BBOF1: variants seen among roughly 807,000 people sequenced by gnomAD.
BBOF1 encodes basal body orientation factor 1.
BBOF1 carries 62 observed loss-of-function variants against 68.0 expected under a neutral mutation model. The ratio of observed to expected loss-of-function variants is 0.91; its 90% CI spans 0.74 to 1.13. BBOF1 has a LOEUF of 1.13. Ranked by LOEUF, BBOF1 falls within the 50% of genes most tolerant of loss-of-function variation. The probability of loss-of-function intolerance (pLI) is 0.00; values close to 1 mark genes in which losing one functional copy is unlikely to be tolerated. For synonymous variants in BBOF1, 208 were observed against 198.8 expected (o/e 1.05, Z -0.39); for missense variants, 534 against 600.1 (o/e 0.89, Z 1.15).
chr14:74,043,145 G>A (rs919771741), intron 5 of BBOF1, among the ~76,000 whole-genome samples: 3 of 151,962 alleles, frequency 2.0e-5, no homozygotes, highest in Admixed American at 6.6e-5. Flanking sequence ...TGCCCCAGCC[G>A]GCCATATAAA....
intron 8 of BBOF1, 185 bp from the exon 9 acceptor site, chr14:74,055,399 T>C (rs1226122784): frequency 2.0e-6 from 1 of 497,606 alleles, no homozygotes; most frequent in East Asian, 3.7e-5. Flanking sequence ...TCCACCCGCC[T>C]CGGCCTCCCA....
In BBOF1 at chr14:74,022,970, C is replaced by A. The variant is rs745786148; in HGVS notation, c.111C>A (p.Ser37=). 6.2e-7 allele frequency: 1 copy of A among 1,613,428 alleles called. No individual in the cohort carries two copies. Among genetic ancestry groups the A allele is most frequent in the Non-Finnish European group, 8.5e-7 (1 of 1,179,674 alleles). ...SVVDRAKANA[S]LWEARLEVTE... is the part of the protein sequence containing the mutation. ...TGGACAGAGCCAAGGCCAATGCCTC[C>A]CTTTGGGAGGCCAGGTTGGAAGTCA... The change falls in exon 2 of 12, where the codon TCC becomes TCA. Residue 37 remains serine (S), a synonymous_variant. Coordinates refer to ENST00000394009, the MANE Select transcript of BBOF1 (RefSeq NM_025057.3).
At position 74,065,764 on chromosome 14, in the gene BBOF1, C is replaced by T; in HGVS notation, c.*1065C>T. 4.8e-6 allele frequency: 1 copy of T among 209,218 alleles called. No individual in the cohort carries two copies. Among genetic ancestry groups the T allele is most frequent in the African/African-American group, 2.4e-5 (1 of 42,290 alleles). The allele number at this position is 209,218 out of a possible 1,614,324, so 13.0% of individuals were successfully genotyped here. A position where few individuals can be genotyped will look rare whatever the true frequency, so the allele number is the denominator to read the frequency against. On this transcript the variant is annotated 3_prime_UTR_variant, in exon 12 of 12. Coordinates refer to ENST00000394009, the MANE Select transcript of BBOF1 (RefSeq NM_025057.3). Reference sequence around the variant, plus strand: ...ATAATTTTTCTCTTTACAGAAACCCCATGCTGTTTTCTGTAACATAAATAA... The same window carrying T: ...ATAATTTTTCTCTTTACAGAAACCCTATGCTGTTTTCTGTAACATAAATAA...
intron 7 of BBOF1, 74 bp downstream of exon 7, chr14:74,048,148 G>T (rs1415303138): frequency 1.4e-6 from 2 of 1,416,764 alleles, no homozygotes; most frequent in Admixed American, 2.2e-5. Flanking sequence ...CAAAAATTGG[G>T]TATAATAATG....
chr14:74,032,799 C>T (rs989097694), intron 3 of BBOF1, among the ~76,000 whole-genome samples: 1 of 151,988 alleles, frequency 6.6e-6, no homozygotes, highest in Admixed American at 6.6e-5. Context: ...GCCCAATTTA[C>T]ATTTCTCTTA....
rs144719917 is a variant in BBOF1 at position 74,029,249 on chromosome 14, G to A, written c.351G>A (p.Leu117=). 2.0e-4 allele frequency: 311 copies of A among 1,547,784 alleles called. No homozygotes were observed. The highest frequency in any genetic ancestry group is 2.5e-4 in the Non-Finnish European group (288 of 1,139,840). The change falls in exon 3 of 12, where the codon TTG becomes TTA. Residue 117 remains leucine, a splice_region_variant and synonymous_variant. Coordinates refer to ENST00000394009, the MANE Select transcript of BBOF1 (RefSeq NM_025057.3). ...KEKAQEEKDK[L]EQKYTRQINE... ...AAGCCCAAGAGGAGAAGGATAAATT[G>A]GTGAGTTATCTATGTGTACTAATAC...
chr14:74,047,297 C>T (rs1479133885), intron 6 of BBOF1, among the ~76,000 whole-genome samples: 1 of 152,096 alleles, frequency 6.6e-6, no homozygotes, highest in Non-Finnish European at 1.5e-5. Context: ...CCTTCTTGCA[C>T]CTCTGCCGTG....
rs1047039253 is a variant in BBOF1 at position 74,059,108 on chromosome 14, C to T, written c.1578+1850C>T. The T allele has an allele frequency of 7.4e-5, 11 of 149,430 alleles. No homozygotes were observed. Among genetic ancestry groups the T allele is most frequent in the Middle Eastern group, 3.5e-3 (1 of 286 alleles). The allele number at this position is 149,430 out of a possible 1,614,324, so 9.3% of individuals were successfully genotyped here. A position where few individuals can be genotyped will look rare whatever the true frequency, so the allele number is the denominator to read the frequency against. ...TCAAAAAAAAAAAAAAAAAAAAAAG[C>T]GTAAAGGCAGTTGAACTAATGGCAG... On this transcript the variant is annotated intron_variant, in intron 11 of 11. Coordinates refer to ENST00000394009, the MANE Select transcript of BBOF1 (RefSeq NM_025057.3).
Position 74,038,940 on chromosome 14 carries a change from A to G in BBOF1, c.496-1625A>G, listed in dbSNP as rs1249975541. ...AATGAAAAAGAAAAAAATGTTTTCC[A>G]TATACCCGATTAACCAAAGAAGCAT... is the stretch of plus-strand genomic sequence containing the variant. On this transcript the variant is annotated intron_variant, in intron 4 of 11. Transcript: ENST00000394009. Among the ~76,000 whole-genome samples, 4 of 152,298 alleles carry G rather than the reference A, an allele frequency of 2.6e-5. No individual in the cohort carries two copies. In the East Asian group the frequency reaches 7.7e-4, roughly 29 times the overall value.
chr14:74,078,817 C>G (rs1386037541), intron 10 of BBOF1, among the ~76,000 whole-genome samples: 4 of 151,840 alleles, frequency 2.6e-5, no homozygotes, highest in Non-Finnish European at 5.9e-5. Flanking sequence ...GTGTGAGCCA[C>G]TGCACCTGGC....
At chr14:74,038,741 T>C (rs944709790) in intron 4 of BBOF1, among the ~76,000 whole-genome samples, 2 of 152,142 alleles carry the variant, frequency 1.3e-5, no homozygotes, top group Non-Finnish European at 2.9e-5. Context: ...CAGTGGCTCA[T>C]GCCTGTGATA....
chr14:74,071,277 T>C (rs779463560), intron 9 of BBOF1: 2 of 1,614,092 alleles, frequency 1.2e-6, no homozygotes, highest in Middle Eastern at 1.6e-4. Flanking sequence ...GCATAGTTGC[T>C]CCAGGGACTC....
intron 8 of BBOF1, 144 bp from the exon 9 acceptor site, chr14:74,055,440 C>T (rs537100232): frequency 1.5e-4 from 94 of 614,614 alleles, no homozygotes; most frequent in Admixed American, 6.3e-4. Flanking sequence ...TGAGCCACCG[C>T]GCCTGGCCTG....
rs1195098628 is a variant in BBOF1, at chr14:74,064,770, C to T, written c.*71C>T. On this transcript the variant is annotated 3_prime_UTR_variant, in exon 12 of 12. Coordinates refer to ENST00000394009, the MANE Select transcript of BBOF1 (RefSeq NM_025057.3). ...TTGCAGAATCCTTGCTCCTGAATAT[C>T]TTTAAGAAAATTTCTTAAAGGAAAA... The T allele has an allele frequency of 6.2e-7, 1 of 1,611,772 alleles. No homozygotes were observed. Among genetic ancestry groups the T allele is most frequent in the African/African-American group, 1.3e-5 (1 of 74,864 alleles).
At position 74,053,121 on chromosome 14, in the gene BBOF1, A is replaced by T. The variant is rs140550428; in HGVS notation, c.1287-2463A>T. ...CCTAGACTTTTTAATTTAATTAATT[A>T]ATTTATTTTTTTGAGATGGAATCTC... On this transcript the variant is annotated intron_variant, in intron 8 of 11. Coordinates refer to ENST00000394009, the MANE Select transcript of BBOF1 (RefSeq NM_025057.3). Among the ~76,000 whole-genome samples the T allele has an allele frequency of 2.9e-3, 447 of 152,014 alleles. 4 individuals are homozygous for T. The highest frequency in any genetic ancestry group is 0.01 in the African/African-American group (427 of 41,500).
chr14:74,036,929 A>AGATCTTG (rs2059715240), intron 4 of BBOF1, among the ~76,000 whole-genome samples: 1 of 148,292 alleles, frequency 6.7e-6, no homozygotes, highest in Non-Finnish European at 1.5e-5. Context: ...TATTCCTGGT[A>AGATCTTG]GATCTTGGCC....
At chr14:74,021,861 C>G (rs568343870) in intron 1 of BBOF1, among the ~76,000 whole-genome samples, 30 of 151,686 alleles carry the variant, frequency 2.0e-4, no homozygotes, top group Non-Finnish European at 3.5e-4. Flanking sequence ...GAGCCGAGAT[C>G]ACGCCACTGC....
rs2060024278 is a variant in BBOF1 at position 74,049,719 on chromosome 14, G to A, written c.810G>A (p.Leu270=). ...LLHQKEINDL[L]VKEKIMQLVQ... is the part of the protein sequence containing the mutation. ...GTTTTTAGGAGATCAATGATCTGTT[G>A]GTTAAGGAAAAGATTATGCAACTTG... The change falls in exon 8 of 12, where the codon TTG becomes TTA. Residue 270 remains leucine (L), a synonymous_variant. Coordinates refer to ENST00000394009, the MANE Select transcript of BBOF1 (RefSeq NM_025057.3). 6 of 1,604,820 alleles carry A rather than the reference G, an allele frequency of 3.7e-6. No homozygotes were observed. Among genetic ancestry groups the A allele is most frequent in the Non-Finnish European group, 4.3e-6 (5 of 1,176,448 alleles).
chr14:74,081,704 C>T (rs2060669310), intron 12 of BBOF1, among the ~76,000 whole-genome samples: 1 of 152,118 alleles, frequency 6.6e-6, no homozygotes, highest in Non-Finnish European at 1.5e-5. Context: ...GGCTCTTTCC[C>T]TAGGTCCCCA....
Sources: gnomAD v4.1 joint callset for allele counts (sites outside exome capture counted in the v4.1 genomes callset) on GRCh38, gnomAD v4.1.1 for gene constraint, MANE v1.5 for transcripts, NCBI Gene and HGNC (gene_info 2026-07-23, HGNC 2026-07-21) for gene names.